EVL: variants seen among roughly 807,000 people sequenced by gnomAD.
EVL encodes the protein Enah/Vasp-like.
Under a neutral mutation model 59.6 loss-of-function variants are expected in EVL, and 21 were observed. The ratio of observed to expected loss-of-function variants is 0.35; its 90% CI spans 0.25 to 0.51. The LOEUF is 0.51. EVL is among the 20% of genes least tolerant of loss of function. EVL has a pLI of 0.97. For missense variants in EVL, 462 were observed against 546.6 expected, an observed-to-expected ratio of 0.85 and a Z score of 1.54; for synonymous variants, 198 against 203.5, an observed-to-expected ratio of 0.97 and a Z score of 0.23.
intron 1 of EVL, among the ~76,000 whole-genome samples, 156 bp downstream of exon 1, chr14:100,065,667 G>T (rs1381699148): frequency 6.6e-6 from 1 of 152,170 alleles, no homozygotes; most frequent in Non-Finnish European, 1.5e-5. Context: ...AGGTTACACA[G>T]CAGGTTAGTG....
At chr14:100,059,299 G>A (rs2061783116) in intron 1 of EVL, among the ~76,000 whole-genome samples, 2 of 152,344 alleles carry the variant, frequency 1.3e-5, no homozygotes, top group South Asian at 4.1e-4. Context: ...CTTTCTGCCT[G>A]CAGTCACTAT....
intron 1 of EVL, among the ~76,000 whole-genome samples, chr14:100,048,145 A>G (rs917250392): frequency 2.0e-5 from 3 of 152,246 alleles, no homozygotes; most frequent in Non-Finnish European, 2.9e-5. Context: ...AAATTTCATC[A>G]AAAAGATAAA....
intron 9 of EVL, among the ~76,000 whole-genome samples, chr14:100,136,630 G>A (rs899560795): frequency 1.3e-5 from 2 of 152,164 alleles, no homozygotes. Flanking sequence ...GGGCAGAGGA[G>A]GCTCTTGCCA....
At chr14:100,079,060 C>T (rs1436821351) in intron 1 of EVL, among the ~76,000 whole-genome samples, 3 of 152,190 alleles carry the variant, frequency 2.0e-5, no homozygotes, top group African/African-American at 7.2e-5. Flanking sequence ...CCTGTACCTT[C>T]CCAGAGGCCT....
At chr14:100,091,040 G>C (rs2062552991) in intron 2 of EVL, among the ~76,000 whole-genome samples, 1 of 152,120 alleles carries the variant, frequency 6.6e-6, no homozygotes, top group Non-Finnish European at 1.5e-5. Flanking sequence ...ATGGTCACTG[G>C]ATAGAAGATT....
At chr14:99,997,398 A>G (rs1304828908) in intron 1 of EVL, among the ~76,000 whole-genome samples, 3 of 152,268 alleles carry the variant, frequency 2.0e-5, no homozygotes, top group Non-Finnish European at 4.4e-5. Context: ...TAGTCAGTAC[A>G]TAGGCTTAGC....
intron 1 of EVL, among the ~76,000 whole-genome samples, chr14:100,001,765 G>T (rs2060947643): frequency 6.6e-6 from 1 of 152,204 alleles, no homozygotes; most frequent in African/African-American, 2.4e-5. Context: ...CCTGTACAGG[G>T]ACTGTGTAGA....
At chr14:100,063,818 C>T (rs978889514), upstream of EVL, among the ~76,000 whole-genome samples, 1 of 152,076 alleles carries the variant, frequency 6.6e-6, no homozygotes, top group African/African-American at 2.4e-5. Context: ...GGCCATAACG[C>T]ACATTTTGAT....
intron 1 of EVL, among the ~76,000 whole-genome samples, chr14:100,013,681 C>T (rs2061031882): frequency 6.6e-6 from 1 of 152,178 alleles, no homozygotes; most frequent in African/African-American, 2.4e-5. Context: ...TTTGTGGCTC[C>T]TTGTGTTTCA....
chr14:99,994,800 G>C (rs943694239), intron 1 of EVL, among the ~76,000 whole-genome samples: 5 of 152,010 alleles, frequency 3.3e-5, no homozygotes, highest in East Asian at 1.9e-4. Context: ...ATTTCAACTT[G>C]ACGTCCCTTT....
intron 1 of EVL, among the ~76,000 whole-genome samples, chr14:100,016,320 A>G (rs1330517816): frequency 6.6e-6 from 1 of 151,934 alleles, no homozygotes; most frequent in Non-Finnish European, 1.5e-5. Flanking sequence ...CACAAGGTCA[A>G]GAGATCAACA....
In EVL at chr14:100,135,943, A is replaced by C; in HGVS notation, c.939A>C (p.Ala313=). The change falls in exon 9 of 14, where the codon GCA becomes GCC. Residue 313 remains alanine, a synonymous_variant. Transcript: ENST00000392920. ...PSTSPSPGTR[A]ASQPPNSSEA... ...CCTCCCCCTCTCCGGGGACCCGAGC[A>C]GCCAGCCAGCCACCTAACTCCTCAG... The C allele has an allele frequency of 1.2e-6, 2 of 1,613,800 alleles. No homozygotes were observed. Among genetic ancestry groups the C allele is most frequent in the South Asian group, 2.2e-5 (2 of 91,088 alleles).
intron 3 of EVL, among the ~76,000 whole-genome samples, chr14:100,100,738 T>C (rs902417390): frequency 1.7e-4 from 25 of 143,294 alleles, no homozygotes; most frequent in African/African-American, 6.0e-4. Context: ...TGAGCCAAGA[T>C]TGCACCACTG....
chr14:100,035,061 G>C (rs2061368314), intron 1 of EVL, among the ~76,000 whole-genome samples: 1 of 152,192 alleles, frequency 6.6e-6, no homozygotes, highest in Admixed American at 6.5e-5. Flanking sequence ...TTTGCCTTCT[G>C]TGTCTCTGGG....
At chr14:100,110,882 C>T (rs1307564887) in intron 3 of EVL, among the ~76,000 whole-genome samples, 1 of 152,220 alleles carries the variant, frequency 6.6e-6, no homozygotes, top group Non-Finnish European at 1.5e-5. Context: ...CGCCATGTGC[C>T]CAGTCAGGGT....
Position 100,074,278 on chromosome 14 carries a change from G to C in EVL, c.11+8767G>C, listed in dbSNP as rs533861231. On this transcript the variant is annotated intron_variant, in intron 1 of 13. Coordinates refer to ENST00000392920, the MANE Select transcript of EVL (RefSeq NM_016337.3). ...AAAAGAGTAGTAGGTGATAATGACA[G>C]CTCTCCATGTGGACACGGAAGGCAG... 2.6e-5 allele frequency among the ~76,000 whole-genome samples: 4 copies of C among 152,274 alleles called. No homozygotes were observed. The East Asian group carries it at 7.7e-4, about 29-fold the overall frequency.
chr14:100,060,154 G>A (rs752816159), intron 1 of EVL, among the ~76,000 whole-genome samples: 15 of 151,378 alleles, frequency 9.9e-5, no homozygotes, highest in Non-Finnish European at 2.2e-4. Flanking sequence ...CCCAGTGCCG[G>A]GCGCGGTGGC....
chr14:100,051,107 T>C (rs2061641000), intron 1 of EVL, among the ~76,000 whole-genome samples: 1 of 152,314 alleles, frequency 6.6e-6, no homozygotes, highest in South Asian at 2.1e-4. Context: ...TGCTTTTCAC[T>C]GTTTCAGTTA....
intron 1 of EVL, among the ~76,000 whole-genome samples, chr14:100,052,004 T>G (rs1049462265): frequency 6.6e-6 from 1 of 152,198 alleles, no homozygotes. Context: ...TGAAAACTCG[T>G]TGGCCCTAAA....
Sources: allele counts gnomAD v4.1 joint callset (sites outside exome capture counted in the v4.1 genomes callset), GRCh38; gene constraint gnomAD v4.1.1; transcripts MANE v1.5; gene names NCBI Gene and HGNC (gene_info 2026-07-23, HGNC 2026-07-21).